SOX5: variants seen among roughly 807,000 people sequenced by gnomAD.
SOX5 encodes transcription factor SOX-5.
Under a neutral mutation model 92.0 loss-of-function variants are expected in SOX5, and 9 were observed. The observed-to-expected ratio is 0.10, with a 90% confidence interval of 0.06 to 0.17. The LOEUF is 0.17. Among genes scored for constraint, SOX5 ranks in the 10% least tolerant of loss-of-function variants. The pLI is 1.00. For synonymous variants in SOX5, 344 were observed against 336.3 expected (o/e 1.02, Z -0.25); for missense variants, 642 against 944.5 (o/e 0.68, Z 4.20).
intron 2 of SOX5, among the ~76,000 whole-genome samples, chr12:23,878,575 A>G (rs1015577781): frequency 4.5e-4 from 68 of 152,060 alleles, no homozygotes; most frequent in African/African-American, 1.6e-3. Flanking sequence ...TACTTTTAAC[A>G]TTTCCATGTT....
At chr12:23,749,262 AAG>A (rs1485742315) in intron 4 of SOX5, among the ~76,000 whole-genome samples, 1 of 151,932 alleles carries the variant, frequency 6.6e-6, no homozygotes, top group Non-Finnish European at 1.5e-5. Flanking sequence ...TACCCGTCAG[AAG>A]TTGGAATCAA....
chr12:23,746,642 T>C (rs1205829615), intron 4 of SOX5, among the ~76,000 whole-genome samples: 3 of 152,168 alleles, frequency 2.0e-5, no homozygotes, highest in Non-Finnish European at 4.4e-5. Context: ...CAGTCATTTA[T>C]ACTTCTGTAT....
At chr12:23,948,800 A>C (rs1245939009) in intron 1 of SOX5, among the ~76,000 whole-genome samples, 1 of 152,168 alleles carries the variant, frequency 6.6e-6, no homozygotes, top group Non-Finnish European at 1.5e-5. Flanking sequence ...AACATCAAAT[A>C]AAAGGATGCT....
At chr12:24,495,633 G>A (rs1219673276) in intron 1 of SOX5, among the ~76,000 whole-genome samples, 1 of 152,068 alleles carries the variant, frequency 6.6e-6, no homozygotes, top group Non-Finnish European at 1.5e-5. Context: ...ACAGATACAC[G>A]CCATTTCTGG....
chr12:24,507,348 A>G (rs1167542894), intron 1 of SOX5, among the ~76,000 whole-genome samples: 1 of 151,720 alleles, frequency 6.6e-6, no homozygotes, highest in African/African-American at 2.4e-5. Context: ...ATTTAATCAA[A>G]CCTCGAAAGC....
intron 1 of SOX5, among the ~76,000 whole-genome samples, chr12:24,519,444 G>T (rs1271130192): frequency 6.6e-6 from 1 of 151,980 alleles, no homozygotes; most frequent in Non-Finnish European, 1.5e-5. Context: ...TGAAATTTTA[G>T]ATAGAGTGAC....
chr12:23,791,837 A>AAAAGTGATACCTATTTC (rs1308064148), intron 3 of SOX5, among the ~76,000 whole-genome samples: 1 of 151,974 alleles, frequency 6.6e-6, no homozygotes, highest in Admixed American at 6.6e-5. Context: ...AGTGAAATTA[A>AAAAGTGATACCTATTTC]AAAGTGATAC....
chr12:23,976,325 C>T (rs1948879974), intron 4 of SOX5, among the ~76,000 whole-genome samples: 1 of 139,860 alleles, frequency 7.2e-6, no homozygotes, highest in Admixed American at 7.7e-5. Flanking sequence ...CGTAAAAGAC[C>T]TTCAGTTTCT....
chr12:23,809,978 G>A (rs1460338812), intron 3 of SOX5, among the ~76,000 whole-genome samples: 3 of 151,938 alleles, frequency 2.0e-5, no homozygotes, highest in Admixed American at 1.3e-4. Flanking sequence ...TATTTCAAAC[G>A]AAATATTTGG....
chr12:23,851,703 G>T (rs1406834631), intron 2 of SOX5, among the ~76,000 whole-genome samples: 1 of 151,462 alleles, frequency 6.6e-6, no homozygotes, highest in Non-Finnish European at 1.5e-5. Flanking sequence ...CTTTTGTTTG[G>T]GCTATTTCAG....
At chr12:23,857,244 CA>C (rs1162328129) in intron 2 of SOX5, among the ~76,000 whole-genome samples, 1 of 152,118 alleles carries the variant, frequency 6.6e-6, no homozygotes, top group Non-Finnish European at 1.5e-5. Flanking sequence ...TTTGACCTAG[CA>C]GGCAATGGAG....
At chr12:23,829,143 A>G (rs2096275980) in intron 3 of SOX5, among the ~76,000 whole-genome samples, 1 of 152,110 alleles carries the variant, frequency 6.6e-6, no homozygotes, top group African/African-American at 2.4e-5. Flanking sequence ...AGCATCCACT[A>G]GAACCAACCC....
intron 4 of SOX5, among the ~76,000 whole-genome samples, chr12:24,185,900 A>C (rs955072995): frequency 6.6e-6 from 1 of 152,178 alleles, no homozygotes; most frequent in Non-Finnish European, 1.5e-5. Context: ...GCTGAAGCTG[A>C]CATGGAGAAA....
chr12:23,674,392 C>T (rs1473553067), intron 6 of SOX5, among the ~76,000 whole-genome samples: 3 of 137,156 alleles, frequency 2.2e-5, no homozygotes, highest in Non-Finnish European at 4.5e-5. Context: ...GGCTGGAGTG[C>T]ATCAGCACGA....
At chr12:24,127,406 GATA>G (rs35206737) in intron 4 of SOX5, among the ~76,000 whole-genome samples, 18,353 of 147,098 alleles carry the variant, frequency 0.12, 1,267 homozygotes, top group African/African-American at 0.18. Flanking sequence ...TAATAATAAT[GATA>G]ATAATAATAA....
At chr12:24,232,458 T>G (rs1292386841) in intron 3 of SOX5, among the ~76,000 whole-genome samples, 1 of 152,208 alleles carries the variant, frequency 6.6e-6, no homozygotes, top group African/African-American at 2.4e-5. Flanking sequence ...TACTTAATAC[T>G]TTCAGGATTC....
chr12:24,050,954 T>G (rs1281424525), intron 4 of SOX5, among the ~76,000 whole-genome samples: 1 of 152,102 alleles, frequency 6.6e-6, no homozygotes, highest in Non-Finnish European at 1.5e-5. Flanking sequence ...CAGAATAATT[T>G]TTCTCCTTAA....
intron 2 of SOX5, among the ~76,000 whole-genome samples, chr12:24,346,765 C>T (rs1048651963): frequency 1.3e-5 from 2 of 151,610 alleles, no homozygotes; most frequent in African/African-American, 2.4e-5. Flanking sequence ...CTTTAATTGA[C>T]AAAATTTGTA....
chr12:23,704,732 A>ATG (rs2091165631), intron 6 of SOX5, among the ~76,000 whole-genome samples: 1 of 84,020 alleles, frequency 1.2e-5, no homozygotes, highest in Non-Finnish European at 2.7e-5. Flanking sequence ...ACACACACAC[A>ATG]TACACACATA....
Sources: gnomAD v4.1 joint callset for allele counts (sites outside exome capture counted in the v4.1 genomes callset) on GRCh38, gnomAD v4.1.1 for gene constraint, MANE v1.5 for transcripts, NCBI Gene and HGNC (gene_info 2026-07-23, HGNC 2026-07-21) for gene names.